Variants in MAN1A1 observed in about 807,000 individuals in gnomAD.
The protein encoded by MAN1A1 is mannosidase alpha class 1A member 1.
Under a neutral mutation model 70.8 loss-of-function variants are expected in MAN1A1, and 29 were observed. The ratio of observed to expected loss-of-function variants is 0.41; its 90% confidence interval spans 0.31 to 0.56. MAN1A1 has a LOEUF of 0.56. MAN1A1 is among the 20% of genes least tolerant of loss of function. MAN1A1 has a pLI of 0.29. For synonymous variants in MAN1A1, 349 were observed against 330.1 expected, an observed-to-expected ratio of 1.06 and a Z score of -0.62; for missense variants, 747 against 841.3, an observed-to-expected ratio of 0.89 and a Z score of 1.39.
chr6:119,342,004 G>A (rs950155398), intron 2 of MAN1A1, among the ~76,000 whole-genome samples: 21 of 152,250 alleles, frequency 1.4e-4, no homozygotes, highest in Middle Eastern at 3.4e-3. Flanking sequence ...AAGATAACTC[G>A]ACTGTGACTA....
At chr6:119,303,766 A>G (rs1034956990) in intron 3 of MAN1A1, among the ~76,000 whole-genome samples, 2 of 152,136 alleles carry the variant, frequency 1.3e-5, no homozygotes, top group Non-Finnish European at 2.9e-5. Context: ...CTACAGCTAG[A>G]TACAGCCACC....
chr6:119,348,481 T>C lies in MAN1A1; in HGVS notation c.585A>G (p.Lys195=). Residue 195 remains lysine, a synonymous_variant, in exon 2 of 13, where the codon AAA becomes AAG. Transcript: ENST00000368468. ...REPADAAIRE[K]RAKIKEMMKH... ...CACTCACCTCTTTGATCTTTGCCCTTTTCTCGCGGATGGCGGCGTCGGCGG... is the reference window on the plus strand; with the variant it reads ...CACTCACCTCTTTGATCTTTGCCCTCTTCTCGCGGATGGCGGCGTCGGCGG... 6.2e-7 allele frequency: 1 copy of C among 1,607,316 alleles called. No homozygotes were observed. Among genetic ancestry groups the C allele is most frequent in the South Asian group, 1.1e-5 (1 of 90,152 alleles).
chr6:119,325,648 G>A (rs563025464), intron 2 of MAN1A1, among the ~76,000 whole-genome samples: 45 of 152,222 alleles, frequency 3.0e-4, no homozygotes, highest in African/African-American at 1.0e-3. Context: ...ACAATACTCC[G>A]TCGCCGGGGG....
intron 4 of MAN1A1, among the ~76,000 whole-genome samples, chr6:119,293,936 T>C (rs1167248503): frequency 2.0e-5 from 3 of 152,054 alleles, no homozygotes; most frequent in Non-Finnish European, 2.9e-5. Flanking sequence ...GGACAATGAA[T>C]TCCTCCATGA....
chr6:119,253,929 C>T (rs1775392229), intron 5 of MAN1A1, among the ~76,000 whole-genome samples: 1 of 152,120 alleles, frequency 6.6e-6, no homozygotes, highest in Non-Finnish European at 1.5e-5. Flanking sequence ...TATTAATTAG[C>T]TCATTGATAC....
At chr6:119,181,386 G>A (rs1392133380) in intron 11 of MAN1A1, among the ~76,000 whole-genome samples, 1 of 151,802 alleles carries the variant, frequency 6.6e-6, no homozygotes, top group Non-Finnish European at 1.5e-5. Context: ...ATTGGTAACA[G>A]AGCTAAAAGA....
chr6:119,188,365 T>A, intron 11 of MAN1A1, 40 bp downstream of exon 11: 1 of 1,534,890 alleles, frequency 6.5e-7, no homozygotes, highest in Non-Finnish European at 8.7e-7. Flanking sequence ...TTTTTTACTA[T>A]GAAATTTATC....
At chr6:119,232,197 C>A (rs1280355392) in intron 6 of MAN1A1, among the ~76,000 whole-genome samples, 1 of 151,788 alleles carries the variant, frequency 6.6e-6, no homozygotes, top group African/African-American at 2.4e-5. Flanking sequence ...ACAGTGAAAC[C>A]TCGTCTCTAC....
chr6:119,217,527 G>A (rs922933821), intron 6 of MAN1A1, among the ~76,000 whole-genome samples: 1 of 152,178 alleles, frequency 6.6e-6, no homozygotes, highest in Non-Finnish European at 1.5e-5. Context: ...TGATCTGCCT[G>A]CCTCGGCCTC....
chr6:119,184,148 A>G (rs1338819185), intron 11 of MAN1A1, among the ~76,000 whole-genome samples: 2 of 152,156 alleles, frequency 1.3e-5, no homozygotes, highest in East Asian at 1.9e-4. Flanking sequence ...TTCTATCAGC[A>G]TCTCAACAGT....
At chr6:119,184,469 T>C (rs1443507635) in intron 11 of MAN1A1, among the ~76,000 whole-genome samples, 3 of 152,022 alleles carry the variant, frequency 2.0e-5, no homozygotes, top group African/African-American at 4.8e-5. Flanking sequence ...GGCTGATCCG[T>C]GGAGTAAGGC....
chr6:119,317,207 C>T (rs1176879779), intron 2 of MAN1A1, among the ~76,000 whole-genome samples: 1 of 151,940 alleles, frequency 6.6e-6, no homozygotes, highest in African/African-American at 2.4e-5. Context: ...GAGAATCGTA[C>T]GCTTATTACA....
chr6:119,206,379 C>A (rs116847010), intron 6 of MAN1A1, among the ~76,000 whole-genome samples: 23 of 152,222 alleles, frequency 1.5e-4, no homozygotes, highest in Non-Finnish European at 2.4e-4. Context: ...CCTGTCCTGG[C>A]GTCTGCTGCC....
At chr6:119,240,968 C>T (rs1190502387) in intron 6 of MAN1A1, among the ~76,000 whole-genome samples, 3 of 152,128 alleles carry the variant, frequency 2.0e-5, no homozygotes, top group African/African-American at 7.2e-5. Context: ...TCACAGTACC[C>T]TTAGGTACAG....
chr6:119,180,461 T>C (rs781325966), intron 11 of MAN1A1, 34 bp from the exon 12 acceptor site: 1 of 1,118,430 alleles, frequency 8.9e-7, no homozygotes, highest in Middle Eastern at 2.0e-4. Context: ...AAAAGTCACA[T>C]TTCAGTAAAC....
chr6:119,339,791 C>CT (rs1410891833), intron 2 of MAN1A1, among the ~76,000 whole-genome samples: 1 of 152,102 alleles, frequency 6.6e-6, no homozygotes, highest in Non-Finnish European at 1.5e-5. Context: ...TAAAGCAAGC[C>CT]TTTAAGAATC....
chr6:119,255,610 T>C (rs904844938), intron 5 of MAN1A1, among the ~76,000 whole-genome samples: 1 of 152,246 alleles, frequency 6.6e-6, no homozygotes, highest in Non-Finnish European at 1.5e-5. Context: ...AAAGGTCATC[T>C]AGTTCCATAA....
chr6:119,301,806 A>G (rs1772397745), intron 4 of MAN1A1, among the ~76,000 whole-genome samples, 182 bp downstream of exon 4: 1 of 152,248 alleles, frequency 6.6e-6, no homozygotes, highest in Non-Finnish European at 1.5e-5. Context: ...CAAAAAACAA[A>G]GACACACATT....
chr6:119,311,309 T>C (rs548596977), intron 2 of MAN1A1, among the ~76,000 whole-genome samples: 11 of 152,312 alleles, frequency 7.2e-5, no homozygotes, highest in African/African-American at 2.4e-4. Context: ...GGGACAAATA[T>C]ATGTGAAACC....
Sources: allele counts gnomAD v4.1 joint callset (sites outside exome capture counted in the v4.1 genomes callset), GRCh38; gene constraint gnomAD v4.1.1; transcripts MANE v1.5; gene names NCBI Gene and HGNC (gene_info 2026-07-23, HGNC 2026-07-21).